GALNTL6: variants seen among roughly 807,000 people sequenced by gnomAD.
The protein encoded by GALNTL6 is polypeptide N-acetylgalactosaminyltransferase like 6.
Under a neutral mutation model 73.7 loss-of-function variants are expected in GALNTL6, and 46 were observed. That is an observed-to-expected ratio of 0.62 (90% CI 0.49 to 0.80). GALNTL6 has a LOEUF of 0.80. Among genes scored for constraint, GALNTL6 ranks in the 30% least tolerant of loss-of-function variants. GALNTL6 has a pLI of 0.00. For missense variants in GALNTL6, 604 were observed against 755.0 expected (o/e 0.80, Z 2.34); for synonymous variants, 259 against 263.7 (o/e 0.98, Z 0.17).
chr4:171,908,002 G>C (rs1300950957), intron 2 of GALNTL6, among the ~76,000 whole-genome samples: 1 of 151,868 alleles, frequency 6.6e-6, no homozygotes, highest in Non-Finnish European at 1.5e-5. Context: ...ATTCAAGATG[G>C]ATTAAAGACT....
At chr4:172,979,359 C>T (rs2126428001) in intron 10 of GALNTL6, among the ~76,000 whole-genome samples, 1 of 152,182 alleles carries the variant, frequency 6.6e-6, no homozygotes, top group South Asian at 2.1e-4. Context: ...TCTTTCCTTC[C>T]CTAAAGGTCC....
chr4:172,533,057 G>C (rs949833033), intron 5 of GALNTL6, among the ~76,000 whole-genome samples: 1 of 150,698 alleles, frequency 6.6e-6, no homozygotes, highest in African/African-American at 2.4e-5. Context: ...GTGTTGCCAG[G>C]CTTCAATGCA....
chr4:172,410,269 T>C (rs1168583652), intron 5 of GALNTL6, among the ~76,000 whole-genome samples: 1 of 152,064 alleles, frequency 6.6e-6, no homozygotes, highest in Non-Finnish European at 1.5e-5. Flanking sequence ...AAATAAAATT[T>C]ACCATCTTAA....
At chr4:172,001,165 T>C (rs1740661408) in intron 2 of GALNTL6, among the ~76,000 whole-genome samples, 1 of 152,152 alleles carries the variant, frequency 6.6e-6, no homozygotes, top group Admixed American at 6.6e-5. Flanking sequence ...AAATCTGAAA[T>C]ATTTTCCAGA....
At chr4:173,013,913 C>A (rs2126502259) in intron 11 of GALNTL6, among the ~76,000 whole-genome samples, 1 of 152,224 alleles carries the variant, frequency 6.6e-6, no homozygotes, top group East Asian at 1.9e-4. Context: ...AAGCACTCTT[C>A]TACATTTAGA....
chr4:172,498,762 C>T (rs1204486450), intron 5 of GALNTL6, among the ~76,000 whole-genome samples: 1 of 152,010 alleles, frequency 6.6e-6, no homozygotes, highest in African/African-American at 2.4e-5. Flanking sequence ...ATGATCAACT[C>T]GATGTATGAT....
At chr4:171,823,344 G>A (rs1213269277) in intron 2 of GALNTL6, among the ~76,000 whole-genome samples, 2 of 151,962 alleles carry the variant, frequency 1.3e-5, no homozygotes, top group Non-Finnish European at 2.9e-5. Flanking sequence ...AGAGATTGAG[G>A]GGACAGTCCC....
chr4:172,731,290 T>C (rs1057022929), intron 5 of GALNTL6, among the ~76,000 whole-genome samples: 4 of 152,184 alleles, frequency 2.6e-5, no homozygotes, highest in African/African-American at 9.6e-5. Flanking sequence ...GTAGATTGTA[T>C]GTGTCCAGGA....
chr4:172,931,196 A>G lies in GALNTL6; in HGVS notation c.1077A>G (p.Pro359=), dbSNP rs1748318472. 6.2e-7 allele frequency: 1 copy of G among 1,611,912 alleles called. No homozygotes were observed. Among genetic ancestry groups the G allele is most frequent in the Non-Finnish European group, 8.5e-7 (1 of 1,178,060 alleles). Residue 359 remains proline (P), a synonymous_variant, in exon 9 of 13, where the codon CCA becomes CCG. Transcript: ENST00000506823. Reference sequence around the variant, plus strand: ...GTGGAGGAGAAATGTTTGATGTTCCATGTTCTAGAGTTGGTCATATCTACA... The same window carrying G: ...GTGGAGGAGAAATGTTTGATGTTCCGTGTTCTAGAGTTGGTCATATCTACA... ...WMCGGEMFDV[P]CSRVGHIYRK...
intron 5 of GALNTL6, among the ~76,000 whole-genome samples, chr4:172,405,558 A>G (rs1744211439): frequency 6.6e-6 from 1 of 150,970 alleles, no homozygotes; most frequent in African/African-American, 2.4e-5. Flanking sequence ...ATGTTATCTC[A>G]CATCCTAATG....
rs180858628 is a variant in GALNTL6 at position 172,451,304 on chromosome 4, C to G, written c.553+102615C>G. On this transcript the variant is annotated intron_variant, in intron 5 of 12. Coordinates refer to ENST00000506823, the MANE Select transcript of GALNTL6 (RefSeq NM_001034845.3). ...TTGTTTCCTGTATTTTGAACGTTAC[C>G]AGGAGATATAGTGAAGAATTTGACT... 2.2e-4 allele frequency among the ~76,000 whole-genome samples: 33 copies of G among 152,176 alleles called. 1 individual carries two copies. The East Asian group carries it at 6.2e-3, about 29-fold the overall frequency.
intron 2 of GALNTL6, among the ~76,000 whole-genome samples, chr4:172,186,359 G>A (rs1016359817): frequency 7.9e-5 from 12 of 152,110 alleles, no homozygotes; most frequent in Admixed American, 3.3e-4. Context: ...GTAGAGAAAA[G>A]TTTAGCAGTT....
chr4:172,948,139 A>T (rs1749263677), intron 9 of GALNTL6, among the ~76,000 whole-genome samples: 1 of 152,212 alleles, frequency 6.6e-6, no homozygotes. Flanking sequence ...GTTTCTCCTG[A>T]TAGTAAATTC....
intron 5 of GALNTL6, among the ~76,000 whole-genome samples, chr4:172,613,013 C>T (rs569943697): frequency 9.2e-5 from 14 of 152,190 alleles, no homozygotes; most frequent in African/African-American, 2.9e-4. Flanking sequence ...ACTGAATGTG[C>T]TCCAACCCTA....
chr4:172,137,509 C>T (rs1329052679), intron 2 of GALNTL6, among the ~76,000 whole-genome samples: 2 of 152,022 alleles, frequency 1.3e-5, no homozygotes, highest in African/African-American at 2.4e-5. Flanking sequence ...AAACAAATGA[C>T]GTCTATTTAG....
intron 7 of GALNTL6, among the ~76,000 whole-genome samples, chr4:172,834,219 A>G (rs1187929856): frequency 6.6e-6 from 1 of 152,242 alleles, no homozygotes; most frequent in African/African-American, 2.4e-5. Context: ...CCTGAGGTAT[A>G]GAGAAGTGTG....
chr4:172,930,577 T>C (rs948000675), intron 8 of GALNTL6, among the ~76,000 whole-genome samples: 1 of 152,254 alleles, frequency 6.6e-6, no homozygotes. Flanking sequence ...TGTCTAAGCA[T>C]GAAATGTGGG....
intron 5 of GALNTL6, among the ~76,000 whole-genome samples, chr4:172,470,443 T>C (rs1225384942): frequency 1.3e-5 from 2 of 152,200 alleles, no homozygotes; most frequent in Non-Finnish European, 2.9e-5. Flanking sequence ...CTGCCATAGA[T>C]ATTGAACATA....
chr4:172,581,565 C>CCT (rs1560819862), intron 5 of GALNTL6, among the ~76,000 whole-genome samples: 1 of 152,194 alleles, frequency 6.6e-6, no homozygotes, highest in African/African-American at 2.4e-5. Flanking sequence ...TCCCTCTGTC[C>CCT]CAATATGCTT....
Sources: gnomAD v4.1 joint callset for allele counts (sites outside exome capture counted in the v4.1 genomes callset) on GRCh38, gnomAD v4.1.1 for gene constraint, MANE v1.5 for transcripts, NCBI Gene and HGNC (gene_info 2026-07-23, HGNC 2026-07-21) for gene names.